The following ZNF362 variants were observed in gnomAD, a reference collection of about 807,000 sequenced individuals.
The protein encoded by ZNF362 is zinc finger protein 362, also known as rotund homolog.
Under a neutral mutation model 42.9 loss-of-function variants are expected in ZNF362, and 11 were observed. The observed-to-expected ratio is 0.26, with a 90% CI of 0.16 to 0.42. The LOEUF (loss-of-function observed/expected upper bound fraction) is 0.42. ZNF362 is among the 20% of genes least tolerant of loss of function. ZNF362 has a pLI of 1.00. For missense variants in ZNF362, 362 were observed against 576.2 expected (o/e 0.63, Z 3.81); for synonymous variants, 255 against 257.3 (o/e 0.99, Z 0.09).
chr1:33,259,374 G>T (rs1372514005), intron 1 of ZNF362, among the ~76,000 whole-genome samples: 3 of 152,206 alleles, frequency 2.0e-5, no homozygotes, highest in African/African-American at 7.2e-5. Flanking sequence ...GTGGAGGCAA[G>T]TTGGTCCCAC....
chr1:33,256,064 G>A (rs1385437589), upstream of ZNF362, among the ~76,000 whole-genome samples: 1 of 151,624 alleles, frequency 6.6e-6, no homozygotes, highest in African/African-American at 2.4e-5. Flanking sequence ...CCGGGCGCCG[G>A]TGCCCTCCCC....
At chr1:33,151,843 A>G in the ZNF362 span, among the ~76,000 whole-genome samples, 1 of 152,240 alleles carries the variant, frequency 6.6e-6, no homozygotes, top group Non-Finnish European at 1.5e-5. Flanking sequence ...CTGCCCAAGC[A>G]GCGGAGAAAG....
At chr1:33,163,887 G>C in the ZNF362 span, 1 of 152,946 alleles carries the variant, frequency 6.5e-6, no homozygotes, top group African/African-American at 2.4e-5. Flanking sequence ...ACTCGAGGGG[G>C]ATGTGGCCCC....
the ZNF362 span, among the ~76,000 whole-genome samples, chr1:33,207,043 T>A: frequency 6.6e-6 from 1 of 152,186 alleles, no homozygotes; most frequent in Admixed American, 6.6e-5. Flanking sequence ...GTTGGTTTGC[T>A]GCACCCATCA....
chr1:33,135,631 A>G, the ZNF362 span, among the ~76,000 whole-genome samples: 4 of 152,084 alleles, frequency 2.6e-5, no homozygotes, highest in Non-Finnish European at 5.9e-5. Flanking sequence ...TCCCTCAAAC[A>G]TGCTGTTCCT....
At chr1:33,263,194 A>G (rs551399199) in intron 1 of ZNF362, among the ~76,000 whole-genome samples, 4 of 152,312 alleles carry the variant, frequency 2.6e-5, no homozygotes, top group Admixed American at 1.3e-4. Flanking sequence ...ACACCCTTGC[A>G]TTCACACCTG....
chr1:33,141,877 A>C, the ZNF362 span: 242 of 159,522 alleles, frequency 1.5e-3, no homozygotes, highest in African/African-American at 5.5e-3. Context: ...ATTTAGGTTT[A>C]AAAATATATT....
the ZNF362 span, among the ~76,000 whole-genome samples, chr1:33,183,077 G>A: frequency 6.6e-6 from 1 of 152,202 alleles, no homozygotes; most frequent in Admixed American, 6.5e-5. Context: ...CAGGAGGAAG[G>A]AAAGACTGGG....
chr1:33,178,737 A>G, the ZNF362 span, among the ~76,000 whole-genome samples: 948 of 152,328 alleles, frequency 6.2e-3, 2 homozygotes, highest in Non-Finnish European at 9.7e-3. Context: ...GAACCCAAGT[A>G]TGTCCAACCC....
the ZNF362 span, chr1:33,142,052 G>A: frequency 6.6e-6 from 1 of 152,170 alleles, no homozygotes; most frequent in Non-Finnish European, 1.5e-5. Flanking sequence ...AGAGTAAGGG[G>A]AAATAACCGT....
chr1:33,296,987 A>C (rs7545009), intron 8 of ZNF362, among the ~76,000 whole-genome samples: 25,781 of 152,028 alleles, frequency 0.17, 2,687 homozygotes, highest in South Asian at 0.27. Context: ...TATTTTTGCA[A>C]GGTCACTCTG....
At position 33,280,392 on chromosome 1, in the gene ZNF362, T is replaced by G; in HGVS notation, c.618T>G (p.Pro206=). 1 of 1,613,518 alleles carries G rather than the reference T, an allele frequency of 6.2e-7. No homozygotes were observed. The highest frequency in any genetic ancestry group is 1.1e-5 in the South Asian group (1 of 91,034). Residue 206 remains proline, a synonymous_variant, in exon 5 of 9, where the codon CCT becomes CCG. Coordinates refer to ENST00000539719, the MANE Select transcript of ZNF362 (RefSeq NM_152493.3). This position sits in a 1 kb window ranked among gnomAD's most constrained non-coding sequence, Gnocchi z 5.6. The stretch of plus-strand genomic sequence containing the variant: ...AGGCGGAGAACCCGGGGGGTCCGCC[T>G]GTCCTTGTAGTCCCCTATCCCATCC... The part of the protein sequence containing the change: ...KIKAENPGGP[P]VLVVPYPILA...
intron 1 of ZNF362, among the ~76,000 whole-genome samples, chr1:33,269,047 T>A (rs1381115523): frequency 1.3e-5 from 2 of 152,058 alleles, no homozygotes; most frequent in African/African-American, 4.8e-5. Context: ...AGGATCCTAA[T>A]CAGCTTCATG....
At chr1:33,162,047 T>A in the ZNF362 span, among the ~76,000 whole-genome samples, 1 of 152,178 alleles carries the variant, frequency 6.6e-6, no homozygotes, top group South Asian at 2.1e-4. Context: ...AACACATCCC[T>A]CTGGGGTCCC....
the ZNF362 span, among the ~76,000 whole-genome samples, chr1:33,160,664 C>T: frequency 1.3e-5 from 2 of 152,086 alleles, no homozygotes; most frequent in African/African-American, 4.8e-5. Flanking sequence ...CTTGGCCTCC[C>T]AAAGTGCTGG....
At chr1:33,298,259 A>G (rs142044520) in intron 8 of ZNF362, among the ~76,000 whole-genome samples, 2 of 152,266 alleles carry the variant, frequency 1.3e-5, no homozygotes, top group East Asian at 3.9e-4. Context: ...CTGAGGTGGG[A>G]GAACTGCTTG....
the ZNF362 span, among the ~76,000 whole-genome samples, chr1:33,138,121 C>T: frequency 1.3e-5 from 2 of 152,120 alleles, no homozygotes; most frequent in African/African-American, 4.8e-5. Flanking sequence ...CATTTTATTC[C>T]TGAAAGGGAG....
chr1:33,298,115 T>C (rs538960713), intron 8 of ZNF362, among the ~76,000 whole-genome samples: 8 of 152,074 alleles, frequency 5.3e-5, no homozygotes, highest in Non-Finnish European at 1.2e-4. Flanking sequence ...TGTGGCTTAG[T>C]GTGAGGGCTT....
At chr1:33,206,677 A>G in the ZNF362 span, among the ~76,000 whole-genome samples, 1 of 152,220 alleles carries the variant, frequency 6.6e-6, no homozygotes, top group Non-Finnish European at 1.5e-5. Context: ...AAATATTTGC[A>G]TATCACATAT....
Sources: gnomAD v4.1 joint callset for allele counts (sites outside exome capture counted in the v4.1 genomes callset) on GRCh38, gnomAD v4.1.1 for gene constraint, Gnocchi (gnomAD v3.1) non-coding constraint, MANE v1.5 for transcripts, NCBI Gene and HGNC (gene_info 2026-07-23, HGNC 2026-07-21) for gene names.